The following LRGUK variants were observed in gnomAD, a reference collection of about 807,000 sequenced individuals.
LRGUK encodes leucine rich repeats and guanylate kinase domain containing.
Under a neutral mutation model 76.0 loss-of-function variants are expected in LRGUK, and 65 were observed. The observed-to-expected ratio is 0.85, with a 90% confidence interval of 0.70 to 1.05. The LOEUF is 1.05. LRGUK is among the 50% of genes least tolerant of loss of function. The pLI is 0.00. For synonymous variants in LRGUK, 268 were observed against 265.6 expected (o/e 1.01, Z -0.09); for missense variants, 758 against 732.8 (o/e 1.03, Z -0.40).
chr7:134,203,336 G>A (rs1037265169), intron 15 of LRGUK, among the ~76,000 whole-genome samples: 4 of 152,132 alleles, frequency 2.6e-5, no homozygotes, highest in African/African-American at 9.7e-5. Context: ...CTGAGACCCT[G>A]GCTGCTTTGC....
chr7:134,264,072 A>T, exon 20 of LRGUK: 4 of 1,223,054 alleles, frequency 3.3e-6, no homozygotes, highest in Non-Finnish European at 4.3e-6. Context: ...TTTCTCACTC[A>T]ACCCATTACC....
chr7:134,202,526 G>A (rs540259992), intron 15 of LRGUK, among the ~76,000 whole-genome samples: 1 of 152,266 alleles, frequency 6.6e-6, no homozygotes, highest in East Asian at 1.9e-4. Flanking sequence ...ATCTCAAAAA[G>A]AGAGCTGCAC....
intron 1 of LRGUK, among the ~76,000 whole-genome samples, chr7:134,129,883 G>A (rs929870953): frequency 6.6e-6 from 1 of 152,114 alleles, no homozygotes; most frequent in Non-Finnish European, 1.5e-5. Flanking sequence ...ACATATTTCT[G>A]TGTTATGCCT....
intron 16 of LRGUK, among the ~76,000 whole-genome samples, chr7:134,225,368 T>G (rs1192472161): frequency 6.6e-6 from 1 of 152,128 alleles, no homozygotes; most frequent in African/African-American, 2.4e-5. Context: ...TTGCCTGCAG[T>G]GCCCCTCCCT....
chr7:134,158,029 G>A lies in LRGUK; in HGVS notation c.671-6G>A. 1 of 1,609,288 alleles carries A rather than the reference G, an allele frequency of 6.2e-7. No individual in the cohort carries two copies. The highest frequency in any genetic ancestry group is 8.5e-7 in the Non-Finnish European group (1 of 1,176,522). ...CATTTTCCTTAAACGTAGTCATGGT[G>A]TATAGGCAATGAGATAGAAGAAATC... On this transcript the variant is annotated splice_region_variant and splice_polypyrimidine_tract_variant and intron_variant, in intron 5 of 15. Transcript: ENST00000645682.
At chr7:134,242,880 G>A (rs957527024) in intron 16 of LRGUK, among the ~76,000 whole-genome samples, 2 of 152,148 alleles carry the variant, frequency 1.3e-5, no homozygotes, top group Non-Finnish European at 2.9e-5. Flanking sequence ...TCATCCCTGG[G>A]ATGAAAGGCT....
intron 18 of LRGUK, among the ~76,000 whole-genome samples, chr7:134,252,719 A>G (rs1031429060): frequency 1.3e-5 from 2 of 152,200 alleles, no homozygotes; most frequent in African/African-American, 4.8e-5. Flanking sequence ...CAAGTGCACC[A>G]GTGCTGTGGC....
chr7:134,158,777 A>T (rs16874427), intron 6 of LRGUK, among the ~76,000 whole-genome samples: 124 of 152,250 alleles, frequency 8.1e-4, no homozygotes, highest in African/African-American at 3.0e-3. Flanking sequence ...ACAGAAATTC[A>T]GCAGGATTCT....
intron 16 of LRGUK, among the ~76,000 whole-genome samples, chr7:134,245,122 A>C (rs938431208): frequency 6.6e-6 from 1 of 152,230 alleles, no homozygotes; most frequent in Non-Finnish European, 1.5e-5. Context: ...CCAACATGGC[A>C]CATGTATACA....
chr7:134,165,612 T>C (rs1798946024), intron 7 of LRGUK, among the ~76,000 whole-genome samples: 1 of 152,234 alleles, frequency 6.6e-6, no homozygotes, highest in African/African-American at 2.4e-5. Context: ...AATGTTGTCA[T>C]TTCAACATGT....
intron 7 of LRGUK, among the ~76,000 whole-genome samples, chr7:134,172,295 C>T (rs1799287355): frequency 6.6e-6 from 1 of 152,034 alleles, no homozygotes; most frequent in Non-Finnish European, 1.5e-5. Flanking sequence ...ACTGAATATT[C>T]TTGTATCTAA....
chr7:134,226,887 A>G (rs1425967565), intron 16 of LRGUK, among the ~76,000 whole-genome samples: 1 of 152,184 alleles, frequency 6.6e-6, no homozygotes, highest in Admixed American at 6.5e-5. Context: ...CTTTATATTC[A>G]AGAACAGCAG....
downstream of LRGUK, among the ~76,000 whole-genome samples, chr7:134,213,616 C>T (rs887972706): frequency 6.6e-6 from 1 of 152,114 alleles, no homozygotes; most frequent in African/African-American, 2.4e-5. Context: ...GGTTGCATTT[C>T]CATTAGGGTA....
intron 15 of LRGUK, among the ~76,000 whole-genome samples, chr7:134,220,465 G>A (rs919468249): frequency 2.0e-4 from 31 of 152,052 alleles, no homozygotes; most frequent in Admixed American, 2.0e-3. Context: ...TGTTTCTATC[G>A]TCTGGTTAGG....
chr7:134,161,539 G>A (rs1798731936), intron 6 of LRGUK, among the ~76,000 whole-genome samples: 1 of 151,844 alleles, frequency 6.6e-6, no homozygotes, highest in Non-Finnish European at 1.5e-5. Context: ...GTTTTTAAAA[G>A]CCATATAATT....
downstream of LRGUK, among the ~76,000 whole-genome samples, chr7:134,265,842 T>C (rs1290324895): frequency 1.3e-5 from 2 of 152,152 alleles, no homozygotes; most frequent in Non-Finnish European, 2.9e-5. Context: ...CTCTTCTCCT[T>C]CCCACTGGAG....
chr7:134,186,695 C>T (rs912707630), intron 11 of LRGUK, among the ~76,000 whole-genome samples: 2 of 152,152 alleles, frequency 1.3e-5, no homozygotes, highest in Non-Finnish European at 2.9e-5. Context: ...TTGTGCTAGT[C>T]CCTGAGGGTA....
At chr7:134,132,085 C>A (rs966289918) in intron 1 of LRGUK, among the ~76,000 whole-genome samples, 6 of 152,158 alleles carry the variant, frequency 3.9e-5, no homozygotes, top group African/African-American at 1.4e-4. Context: ...CAGTGGCTCA[C>A]GCCTGAAATC....
At chr7:134,146,519 T>G (rs532233102) in intron 4 of LRGUK, among the ~76,000 whole-genome samples, 4 of 152,364 alleles carry the variant, frequency 2.6e-5, no homozygotes, top group Non-Finnish European at 4.4e-5. Flanking sequence ...TTTCATAGTA[T>G]GCATTTTCCA....
Sources: allele counts gnomAD v4.1 joint callset (sites outside exome capture counted in the v4.1 genomes callset), GRCh38; gene constraint gnomAD v4.1.1; transcripts MANE v1.5; gene names NCBI Gene and HGNC (gene_info 2026-07-23, HGNC 2026-07-21).